The following ZFP1 variants were observed in gnomAD, a reference collection of about 807,000 sequenced individuals.
ZFP1 encodes ZFP1 zinc finger protein, also known as zinc finger protein 1 homolog.
A neutral mutation model predicts 38.5 loss-of-function variants in ZFP1; 32 were observed. The observed-to-expected ratio is 0.83, with a 90% CI of 0.63 to 1.12. The LOEUF (loss-of-function observed/expected upper bound fraction) is 1.12. ZFP1 is among the 50% of genes most tolerant of loss of function. ZFP1 has a pLI of 0.00. For synonymous variants in ZFP1, 245 were observed against 168.8 expected, an observed-to-expected ratio of 1.45 and a Z score of -3.50; for missense variants, 616 against 480.8, an observed-to-expected ratio of 1.28 and a Z score of -2.63.
At chr16:75,163,701 T>G (rs2037910925) in intron 2 of ZFP1, among the ~76,000 whole-genome samples, 1 of 151,110 alleles carries the variant, frequency 6.6e-6, no homozygotes, top group Non-Finnish European at 1.5e-5. Flanking sequence ...AGCCTTGACC[T>G]CCCAGGCCCA....
intron 2 of ZFP1, among the ~76,000 whole-genome samples, chr16:75,165,716 GTATT>G (rs1255200919): frequency 1.3e-5 from 2 of 151,798 alleles, no homozygotes; most frequent in East Asian, 1.9e-4. Context: ...TATATGCTGA[GTATT>G]TTTTTTTTTT....
intron 2 of ZFP1, among the ~76,000 whole-genome samples, chr16:75,157,424 A>G (rs2037526042): frequency 6.6e-6 from 1 of 151,720 alleles, no homozygotes; most frequent in Non-Finnish European, 1.5e-5. Context: ...TTGTATTTTT[A>G]GTAGAGACGG....
chr16:75,169,967 A>C lies in ZFP1; in HGVS notation c.857A>C (p.His286Pro). Residue 286 changes from histidine (H) to proline (P), a missense_variant, in exon 4 of 4, where the codon CAC (histidine) becomes CCC (proline). Coordinates refer to ENST00000570010, the MANE Select transcript of ZFP1 (RefSeq NM_153688.4). ...GCCCAAAAGTTTGAACTCACCACACACCAGAGAATTCATACAGGAGAGCGA... is the reference window on the plus strand; with the variant it reads ...GCCCAAAAGTTTGAACTCACCACACCCCAGAGAATTCATACAGGAGAGCGA... ...TFAQKFELTT[H>P]QRIHTGERPY... 1 of 1,614,222 alleles carries C rather than the reference A, an allele frequency of 6.2e-7. No individual in the cohort carries two copies. The highest frequency in any genetic ancestry group is 8.5e-7 in the Non-Finnish European group (1 of 1,180,032).
At chr16:75,139,585 A>T in the ZFP1 span, among the ~76,000 whole-genome samples, 5 of 152,004 alleles carry the variant, frequency 3.3e-5, no homozygotes, top group African/African-American at 1.2e-4. Flanking sequence ...CGAGCTACTC[A>T]GGAGACTGAG....
At chr16:75,122,716 A>G in the ZFP1 span, among the ~76,000 whole-genome samples, 1 of 152,268 alleles carries the variant, frequency 6.6e-6, no homozygotes, top group South Asian at 2.1e-4. Context: ...GTCTATAGGC[A>G]ATAGTGTTTG....
chr16:75,170,085 G>T lies in ZFP1; in HGVS notation c.975G>T (p.Glu325Asp). Residue 325 changes from glutamate (E) to aspartate (D), a missense_variant, in exon 4 of 4, where the codon GAG becomes GAT. By Grantham distance (45) the Glu-to-Asp change is conservative. Coordinates refer to ENST00000570010, the MANE Select transcript of ZFP1 (RefSeq NM_153688.4). ...QKIHTGEKRY[E>D]CSECGKSFIQ... ...TTCACACGGGGGAGAAACGCTATGA[G>T]TGCAGTGAATGTGGAAAATCCTTTA... The T allele has an allele frequency of 6.2e-7, 1 of 1,614,122 alleles. No individual in the cohort carries two copies. Among genetic ancestry groups the T allele is most frequent in the Non-Finnish European group, 8.5e-7 (1 of 1,179,994 alleles).
At chr16:75,129,270 T>G in the ZFP1 span, among the ~76,000 whole-genome samples, 20 of 152,320 alleles carry the variant, frequency 1.3e-4, no homozygotes, top group Non-Finnish European at 2.9e-4. Context: ...GGGACTTACC[T>G]GTCTAGGAAT....
the ZFP1 span, among the ~76,000 whole-genome samples, chr16:75,123,273 G>C: frequency 2.0e-5 from 3 of 151,204 alleles, no homozygotes; most frequent in Non-Finnish European, 2.9e-5. Context: ...AGAATCACTT[G>C]AACCCAGGAG....
chr16:75,143,215 C>A, the ZFP1 span, among the ~76,000 whole-genome samples: 1 of 151,994 alleles, frequency 6.6e-6, no homozygotes, highest in African/African-American at 2.4e-5. Context: ...AATCTGAGTA[C>A]GTGGATTCAC....
chr16:75,165,224 A>C (rs1567537053), intron 2 of ZFP1, among the ~76,000 whole-genome samples: 1 of 152,184 alleles, frequency 6.6e-6, no homozygotes, highest in African/African-American at 2.4e-5. Flanking sequence ...ATGTAGCCTG[A>C]AAAGGAAAAA....
chr16:75,166,840 A>C lies in ZFP1; in HGVS notation c.86A>C (p.Gln29Pro). The stretch of plus-strand genomic sequence containing the variant: ...GAATGGGAACAACTGGACCCCTCTC[A>C]GAGGATCCTATACATGGATGTGATG... Reference protein sequence around the residue: ...QEEWEQLDPSQRILYMDVMLE... With the variant: ...QEEWEQLDPSPRILYMDVMLE... Residue 29 changes from glutamine to proline, a missense_variant, in exon 3 of 4, where the codon CAG becomes CCG. Gln to Pro is a moderately conservative substitution (Grantham distance 76). Coordinates refer to ENST00000570010, the MANE Select transcript of ZFP1 (RefSeq NM_153688.4). The C allele has an allele frequency of 1.9e-6, 3 of 1,614,182 alleles. No individual in the cohort carries two copies. The highest frequency in any genetic ancestry group is 2.5e-6 in the Non-Finnish European group (3 of 1,180,020).
chr16:75,141,650 C>A, the ZFP1 span, among the ~76,000 whole-genome samples: 1 of 151,440 alleles, frequency 6.6e-6, no homozygotes, highest in African/African-American at 2.4e-5. Context: ...TTTGAGAGGC[C>A]AAGGTTTGGG....
At chr16:75,152,449 C>G (rs985915082) in intron 1 of ZFP1, among the ~76,000 whole-genome samples, 1 of 152,142 alleles carries the variant, frequency 6.6e-6, no homozygotes, top group Non-Finnish European at 1.5e-5. Flanking sequence ...CTTTTCTTAG[C>G]TCCTTTGTCT....
intron 2 of ZFP1, among the ~76,000 whole-genome samples, chr16:75,162,331 C>G (rs563902230): frequency 6.6e-6 from 1 of 151,836 alleles, no homozygotes; most frequent in African/African-American, 2.4e-5. Context: ...GCCCTGTTGC[C>G]CAGACTGGTC....
the ZFP1 span, among the ~76,000 whole-genome samples, chr16:75,125,913 G>A: frequency 6.6e-6 from 1 of 151,808 alleles, no homozygotes; most frequent in Middle Eastern, 3.4e-3. Context: ...ATGATGGCAG[G>A]TGCCTGTAAT....
chr16:75,166,641 A>G (rs553336565), intron 2 of ZFP1, 129 bp from the exon 3 acceptor site: 2 of 1,524,570 alleles, frequency 1.3e-6, no homozygotes, highest in Admixed American at 2.2e-5. Flanking sequence ...GACATGAACA[A>G]AAACAGTGAA....
intron 1 of ZFP1, chr16:75,148,941 C>G (rs1370809951): frequency 2.6e-5 from 4 of 151,440 alleles, no homozygotes; most frequent in African/African-American, 9.7e-5. Flanking sequence ...TCGGGCCGCG[C>G]GGGAGCGAGT....
rs1000650239 is a variant in ZFP1, at chr16:75,171,182, C to T, written c.*848C>T. 2.0e-5 allele frequency: 3 copies of T among 152,124 alleles called. No homozygotes were observed. The highest frequency in any genetic ancestry group is 7.2e-5 in the African/African-American group (3 of 41,426). The allele number at this position is 152,124 out of a possible 1,614,324, so 9.4% of individuals were successfully genotyped here. ...TTTGCATACAAATGCATGTCTGTTA[C>T]CAAAATATTGTGTAACACAGACAGA... On this transcript the variant is annotated 3_prime_UTR_variant, in exon 4 of 4. Coordinates refer to ENST00000570010, the MANE Select transcript of ZFP1 (RefSeq NM_153688.4).
chr16:75,143,647 CTTTTTTTTTTTTT>C (rs386385080), upstream of ZFP1, among the ~76,000 whole-genome samples: 18 of 93,794 alleles, frequency 1.9e-4, no homozygotes, highest in Non-Finnish European at 3.3e-4. Flanking sequence ...GGAGGTGAAT[CTTTTTTTTTTTTT>C]TTTTTTTTTG....
Sources: allele counts gnomAD v4.1 joint callset (sites outside exome capture counted in the v4.1 genomes callset), GRCh38; gene constraint gnomAD v4.1.1; transcripts MANE v1.5; gene names NCBI Gene and HGNC (gene_info 2026-07-23, HGNC 2026-07-21).